The following GRIN2A variants were observed in gnomAD, a reference collection of about 807,000 sequenced individuals.
GRIN2A encodes the protein glutamate receptor ionotropic, NMDA 2A.
In GRIN2A, 22 loss-of-function variants were observed where a neutral mutation model predicts 113.4. That is an observed-to-expected ratio of 0.19 (90% CI 0.14 to 0.28). The LOEUF is 0.28. GRIN2A is among the 10% of genes least tolerant of loss of function. The probability of loss-of-function intolerance (pLI) is 1.00; values close to 1 mark genes in which losing one functional copy is unlikely to be tolerated. For missense variants in GRIN2A, 1,502 were observed against 1,887.0 expected, an observed-to-expected ratio of 0.80 and a Z score of 3.78; for synonymous variants, 827 against 738.4, an observed-to-expected ratio of 1.12 and a Z score of -1.94.
chr16:10,063,206 A>G (rs2047582999), intron 2 of GRIN2A, among the ~76,000 whole-genome samples: 1 of 152,190 alleles, frequency 6.6e-6, no homozygotes, highest in African/African-American at 2.4e-5. Flanking sequence ...GGGAATAGAC[A>G]CTGGGGATGA....
rs1244178628 is a variant in GRIN2A, at chr16:10,169,464, T to A, written c.414+10534A>T. On this transcript the variant is annotated intron_variant, in intron 2 of 12. Transcript: ENST00000330684. ...GGGAATGTGACCCAGTTCTGGCCAC[T>A]GACATGTAAGAGGAAGTCTACTCCA... is the stretch of plus-strand genomic sequence containing the variant. Among the ~76,000 whole-genome samples the A allele has an allele frequency of 4.6e-5, 7 of 152,322 alleles. No homozygotes were observed. In the East Asian group the frequency reaches 1.2e-3, roughly 25 times the overall value.
At chr16:9,864,596 G>A (rs2043129907) in intron 4 of GRIN2A, among the ~76,000 whole-genome samples, 2 of 152,110 alleles carry the variant, frequency 1.3e-5, no homozygotes, top group South Asian at 4.1e-4. Context: ...AAAAGCTGAT[G>A]GATTTCCTCA....
At chr16:9,961,354 G>C (rs1324830081) in intron 2 of GRIN2A, among the ~76,000 whole-genome samples, 1 of 152,150 alleles carries the variant, frequency 6.6e-6, no homozygotes, top group African/African-American at 2.4e-5. Context: ...CACTAGGAGA[G>C]TGCAGGAGTA....
chr16:9,952,802 T>A (rs188755545), intron 2 of GRIN2A, among the ~76,000 whole-genome samples: 282 of 150,998 alleles, frequency 1.9e-3, no homozygotes, highest in Middle Eastern at 6.8e-3. Context: ...CAAATAATTA[T>A]TGAATGAAAG....
At chr16:9,803,324 T>C (rs1330616643) in intron 10 of GRIN2A, among the ~76,000 whole-genome samples, 1 of 152,016 alleles carries the variant, frequency 6.6e-6, no homozygotes, top group African/African-American at 2.4e-5. Flanking sequence ...GGCGAATCTA[T>C]TGAACCCGGG....
At chr16:10,024,323 A>G (rs1489690783) in intron 2 of GRIN2A, among the ~76,000 whole-genome samples, 1 of 152,200 alleles carries the variant, frequency 6.6e-6, no homozygotes, top group Non-Finnish European at 1.5e-5. Context: ...TCCTGGGTCA[A>G]GCAATTCTTC....
chr16:9,905,148 A>G (rs79897565), intron 3 of GRIN2A, among the ~76,000 whole-genome samples: 1,948 of 152,316 alleles, frequency 0.013, 42 homozygotes, highest in African/African-American at 0.044. Context: ...TAGGAATTAA[A>G]GAGGTAAGTA....
At chr16:9,849,115 T>G (rs1297421868) in intron 5 of GRIN2A, among the ~76,000 whole-genome samples, 2 of 113,340 alleles carry the variant, frequency 1.8e-5, no homozygotes, top group Non-Finnish European at 3.5e-5. Flanking sequence ...ATATACTGTT[T>G]TATATATTTA....
At chr16:9,781,045 C>A (rs1045055859) in intron 11 of GRIN2A, among the ~76,000 whole-genome samples, 4 of 149,244 alleles carry the variant, frequency 2.7e-5, no homozygotes, top group African/African-American at 7.5e-5. Context: ...TTCAGCACTA[C>A]AGGCCATACG....
At chr16:10,098,472 G>T (rs746387718) in intron 2 of GRIN2A, among the ~76,000 whole-genome samples, 9 of 152,156 alleles carry the variant, frequency 5.9e-5, no homozygotes, top group Non-Finnish European at 8.8e-5. Context: ...CAGAGGAAAA[G>T]AAGTCATTAT....
intron 11 of GRIN2A, among the ~76,000 whole-genome samples, chr16:9,784,933 A>G (rs1390692272): frequency 6.6e-6 from 1 of 152,224 alleles, no homozygotes; most frequent in African/African-American, 2.4e-5. Context: ...TTAAAAAGTC[A>G]GGAAACAACA....
chr16:9,824,777 T>C (rs1392480667), intron 9 of GRIN2A, among the ~76,000 whole-genome samples: 2 of 152,174 alleles, frequency 1.3e-5, no homozygotes, highest in Admixed American at 6.5e-5. Context: ...TCTGAGGTTA[T>C]CCATTATGTT....
At position 10,055,081 on chromosome 16, in the gene GRIN2A, AAAAAGAAAAAAG is replaced by A. The variant is rs1436401205; in HGVS notation, c.415-116542_415-116531del. ...AAAAAAAAAAAAAAAAAAAAAAAAA[AAAAAGAAAAAAG>A]AAAGAAAGAAAGAAAAAAGAAAAAA... On this transcript the variant is annotated intron_variant, in intron 2 of 12. Transcript: ENST00000330684. Among the ~76,000 whole-genome samples, 72 of 79,422 alleles carry A rather than the reference AAAAAGAAAAAAG, an allele frequency of 9.1e-4. 10 individuals are homozygous for A. In the East Asian group the frequency reaches 0.01, roughly 11 times the overall value. 52.1% of individuals were successfully genotyped at this position (79,422 alleles called of 152,430 possible). A position where few individuals can be genotyped will look rare whatever the true frequency, so the allele number is the denominator to read the frequency against.
intron 10 of GRIN2A, among the ~76,000 whole-genome samples, chr16:9,803,295 T>C (rs1299601478): frequency 6.6e-6 from 1 of 152,010 alleles, no homozygotes; most frequent in Non-Finnish European, 1.5e-5. Flanking sequence ...TAATTCCAGC[T>C]ACTCGGGAGG....
intron 3 of GRIN2A, among the ~76,000 whole-genome samples, chr16:9,900,692 A>C (rs1193892268): frequency 6.6e-6 from 1 of 152,204 alleles, no homozygotes. Context: ...TTCGAATCTC[A>C]GGCTGCTCTT....
intron 4 of GRIN2A, among the ~76,000 whole-genome samples, chr16:9,872,271 C>T (rs942878127): frequency 3.3e-5 from 5 of 152,142 alleles, no homozygotes; most frequent in African/African-American, 7.2e-5. Context: ...TGATCAAACT[C>T]GCTCTCTAAC....
intron 2 of GRIN2A, among the ~76,000 whole-genome samples, chr16:10,002,503 A>G (rs1247741361): frequency 6.6e-6 from 1 of 152,206 alleles, no homozygotes; most frequent in Non-Finnish European, 1.5e-5. Flanking sequence ...GGGTAAGAGA[A>G]GGAAGTCAGT....
intron 11 of GRIN2A, among the ~76,000 whole-genome samples, chr16:9,776,453 C>T (rs913753878): frequency 6.6e-6 from 1 of 152,046 alleles, no homozygotes; most frequent in East Asian, 1.9e-4. Context: ...ACACAAGGCT[C>T]CTGTCTCCTT....
chr16:9,832,897 A>C (rs2042521390), intron 8 of GRIN2A, among the ~76,000 whole-genome samples: 1 of 152,252 alleles, frequency 6.6e-6, no homozygotes, highest in Admixed American at 6.5e-5. Flanking sequence ...GAAGAAGTTG[A>C]AAGATTTCAA....
Sources: allele counts gnomAD v4.1 joint callset (sites outside exome capture counted in the v4.1 genomes callset), GRCh38; gene constraint gnomAD v4.1.1; transcripts MANE v1.5; gene names NCBI Gene and HGNC (gene_info 2026-07-23, HGNC 2026-07-21).